NCKAP5: variants seen among roughly 807,000 people sequenced by gnomAD.
NCKAP5 encodes the protein nck-associated protein 5.
Under a neutral mutation model 167.0 loss-of-function variants are expected in NCKAP5, and 92 were observed. The observed-to-expected ratio is 0.55, with a 90% CI of 0.47 to 0.66. NCKAP5 has a LOEUF of 0.66. NCKAP5 is among the 30% of genes least tolerant of loss of function. NCKAP5 has a pLI of 0.00. For missense variants in NCKAP5, 2,378 were observed against 2,315.0 expected (o/e 1.03, Z -0.56); for synonymous variants, 891 against 877.4 (o/e 1.02, Z -0.27).
chr2:133,400,192 T>C (rs947634407), intron 3 of NCKAP5, among the ~76,000 whole-genome samples: 2 of 152,120 alleles, frequency 1.3e-5, no homozygotes, highest in Admixed American at 1.3e-4. Flanking sequence ...CAATTTTTAA[T>C]CTCCCAAAAT....
chr2:132,717,464 T>A (rs921232216), intron 19 of NCKAP5, among the ~76,000 whole-genome samples: 5 of 152,206 alleles, frequency 3.3e-5, no homozygotes, highest in Non-Finnish European at 7.3e-5. Flanking sequence ...AGATGCAACT[T>A]TGTGTGAATT....
intron 5 of NCKAP5, among the ~76,000 whole-genome samples, chr2:133,185,312 T>A (rs566623143): frequency 6.6e-6 from 1 of 152,288 alleles, no homozygotes; most frequent in African/African-American, 2.4e-5. Flanking sequence ...TCTTTCTCAC[T>A]GGTCTATGTG....
At position 132,706,926 on chromosome 2, in the gene NCKAP5, G is replaced by A. The variant is rs149640889; in HGVS notation, c.5713+18701C>T. On this transcript the variant is annotated intron_variant, in intron 19 of 19. Transcript: ENST00000409261. ...CATAATACTCTCTGAGAGTGACTCC[G>A]GCCTAAAAAGAACATAAGAAGCTGG... Among the ~76,000 whole-genome samples the A allele has an allele frequency of 3.2e-3, 492 of 152,200 alleles. 1 individual carries two copies. Among genetic ancestry groups the A allele is most frequent in the African/African-American group, 0.011 (444 of 41,528 alleles).
At chr2:133,143,567 C>T (rs1012293740) in intron 5 of NCKAP5, among the ~76,000 whole-genome samples, 1 of 152,034 alleles carries the variant, frequency 6.6e-6, no homozygotes, top group Non-Finnish European at 1.5e-5. Flanking sequence ...ACTGATGATA[C>T]GTAAGACAGG....
intron 9 of NCKAP5, among the ~76,000 whole-genome samples, chr2:132,874,161 T>G (rs1181897535): frequency 7.0e-6 from 1 of 143,660 alleles, no homozygotes; most frequent in Non-Finnish European, 1.5e-5. Context: ...CAGGCTGGAG[T>G]GCAGTGGCGC....
At chr2:133,461,145 A>G (rs1692175234) in intron 3 of NCKAP5, among the ~76,000 whole-genome samples, 1 of 152,108 alleles carries the variant, frequency 6.6e-6, no homozygotes, top group African/African-American at 2.4e-5. Context: ...GCGGGAAATG[A>G]CAGCAGGTCT....
chr2:133,615,024 C>T, the NCKAP5 span, among the ~76,000 whole-genome samples: 3 of 151,592 alleles, frequency 2.0e-5, no homozygotes, highest in African/African-American at 7.3e-5. Flanking sequence ...AATTTTCAAC[C>T]CAGAATTTCA....
At chr2:133,029,084 T>G (rs981355647) in intron 6 of NCKAP5, among the ~76,000 whole-genome samples, 1 of 152,182 alleles carries the variant, frequency 6.6e-6, no homozygotes, top group Non-Finnish European at 1.5e-5. Context: ...ATTTATAAAT[T>G]ACCAAGTCTA....
intron 2 of NCKAP5, among the ~76,000 whole-genome samples, chr2:133,529,052 T>G (rs1685147209): frequency 6.6e-6 from 1 of 152,220 alleles, no homozygotes; most frequent in Non-Finnish European, 1.5e-5. Flanking sequence ...CCACATTTTC[T>G]CTTGTGAGAA....
intron 5 of NCKAP5, among the ~76,000 whole-genome samples, chr2:133,195,879 A>T (rs950455462): frequency 5.9e-5 from 9 of 152,132 alleles, no homozygotes; most frequent in African/African-American, 2.2e-4. Flanking sequence ...AATAAGACTG[A>T]TAGAGTCAAG....
intron 8 of NCKAP5, among the ~76,000 whole-genome samples, chr2:132,957,184 G>A (rs2076370001): frequency 6.6e-6 from 1 of 152,122 alleles, no homozygotes; most frequent in Admixed American, 6.6e-5. Flanking sequence ...ACAGACAATT[G>A]CATGCTAATT....
intron 11 of NCKAP5, among the ~76,000 whole-genome samples, chr2:132,844,352 G>A (rs539504636): frequency 9.9e-5 from 15 of 152,160 alleles, no homozygotes; most frequent in Non-Finnish European, 2.1e-4. Context: ...AATTCTACAA[G>A]AAAGATAAAC....
chr2:132,862,553 T>A (rs2148722989), intron 10 of NCKAP5, among the ~76,000 whole-genome samples: 1 of 152,184 alleles, frequency 6.6e-6, no homozygotes, highest in African/African-American at 2.4e-5. Flanking sequence ...ACTGCTCAAA[T>A]TAAAAGGTGC....
At chr2:132,843,267 C>T (rs917369769) in intron 11 of NCKAP5, among the ~76,000 whole-genome samples, 2 of 152,008 alleles carry the variant, frequency 1.3e-5, no homozygotes, top group African/African-American at 2.4e-5. Flanking sequence ...ATCAGAATTG[C>T]TCAATTCTGA....
intron 5 of NCKAP5, among the ~76,000 whole-genome samples, chr2:133,179,232 GTTT>G (rs374396477): frequency 7.3e-6 from 1 of 136,282 alleles, no homozygotes; most frequent in Admixed American, 7.4e-5. Flanking sequence ...TTCAGATTTG[GTTT>G]TTTTTTTTTT....
chr2:133,248,683 G>A (rs758470207), intron 4 of NCKAP5, among the ~76,000 whole-genome samples: 17 of 152,206 alleles, frequency 1.1e-4, no homozygotes, highest in Non-Finnish European at 1.8e-4. Context: ...GAGCTGCACT[G>A]CAGCTTTTAA....
intron 16 of NCKAP5, among the ~76,000 whole-genome samples, chr2:132,764,025 T>C (rs1047440663): frequency 1.3e-5 from 2 of 152,320 alleles, no homozygotes; most frequent in African/African-American, 4.8e-5. Context: ...GAAAAAGCCA[T>C]ACTTTTAACA....
intron 3 of NCKAP5, among the ~76,000 whole-genome samples, chr2:133,464,460 C>A (rs998240506): frequency 7.2e-5 from 11 of 151,878 alleles, no homozygotes; most frequent in African/African-American, 2.7e-4. Flanking sequence ...GGGGCCAAGG[C>A]AGGTGGATCA....
At chr2:133,257,376 G>T (rs1401789161) in intron 4 of NCKAP5, among the ~76,000 whole-genome samples, 1 of 152,166 alleles carries the variant, frequency 6.6e-6, no homozygotes, top group Non-Finnish European at 1.5e-5. Flanking sequence ...TGCAGGAACA[G>T]AATCATAACA....
Sources: allele counts gnomAD v4.1 joint callset (sites outside exome capture counted in the v4.1 genomes callset), GRCh38; gene constraint gnomAD v4.1.1; transcripts MANE v1.5; gene names NCBI Gene and HGNC (gene_info 2026-07-23, HGNC 2026-07-21).